OVCH1: variants seen among roughly 807,000 people sequenced by gnomAD.
The protein encoded by OVCH1 is ovochymase 1.
Under a neutral mutation model 138.4 loss-of-function variants are expected in OVCH1, and 139 were observed. The observed-to-expected ratio is 1.00, with a 90% CI of 0.87 to 1.16. The LOEUF is 1.16. Ranked by LOEUF, OVCH1 falls within the 50% of genes most tolerant of loss-of-function variation. The probability of loss-of-function intolerance (pLI) is 0.00; values close to 1 mark genes in which losing one functional copy is unlikely to be tolerated. For synonymous variants in OVCH1, 453 were observed against 467.8 expected (o/e 0.97, Z 0.41); for missense variants, 1,367 against 1,357.9 (o/e 1.01, Z -0.11).
intron 18 of OVCH1, 110 bp downstream of exon 18, chr12:29,464,396 AT>A (rs1565589448): frequency 8.4e-7 from 1 of 1,187,048 alleles, no homozygotes; most frequent in African/African-American, 1.5e-5. Flanking sequence ...CATGGTTTCT[AT>A]CTTTTAGAAA....
chr12:29,417,791 G>C (rs201586891), intron 3 of OVCH1, among the ~76,000 whole-genome samples: 1 of 139,398 alleles, frequency 7.2e-6, no homozygotes, highest in African/African-American at 2.5e-5. Context: ...GTGTGTGTGT[G>C]TGTCTGTGTC....
chr12:29,461,294 A>G (rs908680035), intron 19 of OVCH1, among the ~76,000 whole-genome samples: 1 of 152,182 alleles, frequency 6.6e-6, no homozygotes, highest in Non-Finnish European at 1.5e-5. Context: ...ACATTCTTCC[A>G]TTGACTTTGT....
At chr12:29,483,081 A>C (rs1300838271) in intron 8 of OVCH1, among the ~76,000 whole-genome samples, 1 of 152,092 alleles carries the variant, frequency 6.6e-6, no homozygotes, top group Non-Finnish European at 1.5e-5. Context: ...AAGATAAATC[A>C]AGACACTTCC....
At chr12:29,489,714 G>A (rs1206833379) in exon 6 of OVCH1, 7 of 1,610,242 alleles carry the variant, frequency 4.3e-6, no homozygotes, top group Middle Eastern at 1.7e-4. Context: ...AGTATTACAC[G>A]CTCTGTCATC....
At chr12:29,422,925 C>T (rs1384653615), downstream of OVCH1, among the ~76,000 whole-genome samples, 1 of 152,134 alleles carries the variant, frequency 6.6e-6, no homozygotes, top group Non-Finnish European at 1.5e-5. Flanking sequence ...AATAAACGCA[C>T]ATACACAAAT....
intron 6 of OVCH1, among the ~76,000 whole-genome samples, chr12:29,488,849 C>G (rs1483211042): frequency 1.3e-5 from 2 of 152,064 alleles, no homozygotes; most frequent in Non-Finnish European, 2.9e-5. Context: ...GGAAAAAGCA[C>G]CTTTAGCCTA....
chr12:29,481,054 C>T (rs1299882598), intron 8 of OVCH1, among the ~76,000 whole-genome samples: 1 of 151,994 alleles, frequency 6.6e-6, no homozygotes, highest in Non-Finnish European at 1.5e-5. Flanking sequence ...TCACTGTCAA[C>T]TTCACAGTGC....
At chr12:29,491,335 A>G in intron 4 of OVCH1, 143 bp from the exon 5 acceptor site, 2 of 674,476 alleles carry the variant, frequency 3.0e-6, no homozygotes, top group Non-Finnish European at 4.9e-6. Context: ...TGGCCCCTCC[A>G]TATAAAACCG....
chr12:29,488,823 G>A (rs958035684), intron 6 of OVCH1, among the ~76,000 whole-genome samples: 1 of 152,042 alleles, frequency 6.6e-6, no homozygotes, highest in Admixed American at 6.6e-5. Flanking sequence ...AGGATTGCCT[G>A]TAATGAATGC....
At chr12:29,469,674 G>A (rs955130155) in intron 16 of OVCH1, among the ~76,000 whole-genome samples, 1 of 151,494 alleles carries the variant, frequency 6.6e-6, no homozygotes, top group Non-Finnish European at 1.5e-5. Context: ...GAGTTCAAGA[G>A]TTCAAGACCA....
chr12:29,409,654 T>C (rs538914462), downstream of OVCH1, among the ~76,000 whole-genome samples: 1 of 152,368 alleles, frequency 6.6e-6, no homozygotes, highest in South Asian at 2.1e-4. Flanking sequence ...CTAGTTTGAT[T>C]GCACTGTGGT....
chr12:29,489,540 A>T, intron 6 of OVCH1, 80 bp downstream of exon 6: 1 of 1,413,404 alleles, frequency 7.1e-7, no homozygotes, highest in Non-Finnish European at 9.5e-7. Flanking sequence ...TAGAAGAAAC[A>T]TGAGCTTCTT....
chr12:29,472,290 T>C (rs1391327359), intron 15 of OVCH1, among the ~76,000 whole-genome samples: 1 of 152,176 alleles, frequency 6.6e-6, no homozygotes, highest in African/African-American at 2.4e-5. Flanking sequence ...TGGAATAGAA[T>C]AGATGATAAA....
chr12:29,496,248 A>G (rs753299595), exon 3 of OVCH1: 3 of 1,608,586 alleles, frequency 1.9e-6, no homozygotes, highest in Non-Finnish European at 2.5e-6. Flanking sequence ...CTTCCTCCAC[A>G]GAAGTGGTGC....
At chr12:29,489,115 C>T (rs1173884590) in intron 6 of OVCH1, among the ~76,000 whole-genome samples, 1 of 152,156 alleles carries the variant, frequency 6.6e-6, no homozygotes, top group Non-Finnish European at 1.5e-5. Flanking sequence ...TCTCCTTGTC[C>T]TCTCTAAATA....
intron 13 of OVCH1, 147 bp downstream of exon 13, chr12:29,476,059 A>C: frequency 3.0e-6 from 2 of 667,930 alleles, no homozygotes; most frequent in South Asian, 1.9e-5. Context: ...CATAGGTTTT[A>C]AAGCTAAAGT....
downstream of OVCH1, among the ~76,000 whole-genome samples, chr12:29,423,589 A>G (rs1941135823): frequency 6.6e-6 from 1 of 152,214 alleles, no homozygotes; most frequent in Admixed American, 6.5e-5. Context: ...TTGCGCGAAG[A>G]TAACTAGACA....
chr12:29,488,620 C>CAAAAAAAA lies in OVCH1; in HGVS notation c.703-746_703-739dup, dbSNP rs67595567. ...TGGGCAACAGAGTGAGACTCCATCT[C>CAAAAAAAA]AAAAAAAAAAAAAAAAAAAAAAAGA... On this transcript the variant is annotated intron_variant, in intron 6 of 27. Coordinates refer to ENST00000318184, the Ensembl canonical transcript of OVCH1. 4.2e-4 allele frequency among the ~76,000 whole-genome samples: 26 copies of CAAAAAAAA among 61,730 alleles called. 1 individual carries two copies. The highest frequency in any genetic ancestry group is 1.3e-3 in the Admixed American group (6 of 4,530). 40.5% of individuals were successfully genotyped at this position (61,730 alleles called of 152,430 possible). A position where few individuals can be genotyped will look rare whatever the true frequency, so the allele number is the denominator to read the frequency against.
chr12:29,431,427 C>T (rs755615355), intron 27 of OVCH1, among the ~76,000 whole-genome samples: 54 of 151,910 alleles, frequency 3.6e-4, no homozygotes, highest in Admixed American at 5.2e-4. Context: ...AGAGCAAGAC[C>T]CTGTCTCAAA....
Sources: gnomAD v4.1 joint callset for allele counts (sites outside exome capture counted in the v4.1 genomes callset) on GRCh38, gnomAD v4.1.1 for gene constraint, MANE v1.5 for transcripts, NCBI Gene and HGNC (gene_info 2026-07-23, HGNC 2026-07-21) for gene names.